HNF4G: variants seen among roughly 807,000 people sequenced by gnomAD.
HNF4G encodes hepatocyte nuclear factor 4-gamma.
A neutral mutation model predicts 50.9 loss-of-function variants in HNF4G; 21 were observed. The observed-to-expected ratio is 0.41, with a 90% CI of 0.29 to 0.59. The LOEUF (loss-of-function observed/expected upper bound fraction) is 0.59, where lower values mean the gene tolerates loss of function less well. Among genes scored for constraint, HNF4G ranks in the 20% least tolerant of loss-of-function variants. The probability of loss-of-function intolerance (pLI) is 0.26; values close to 1 mark genes in which losing one functional copy is unlikely to be tolerated. For synonymous variants in HNF4G, 198 were observed against 185.6 expected, an observed-to-expected ratio of 1.07 and a Z score of -0.54; for missense variants, 527 against 559.4, an observed-to-expected ratio of 0.94 and a Z score of 0.58.
At chr8:75,485,713 A>G (rs534410201) in intron 1 of HNF4G, 32 of 152,332 alleles carry the variant, frequency 2.1e-4, no homozygotes, top group African/African-American at 6.7e-4. Context: ...CAAACTCACC[A>G]AAGTAAAACA....
intron 1 of HNF4G, among the ~76,000 whole-genome samples, chr8:75,444,626 A>G (rs1477504763): frequency 1.6e-5 from 2 of 128,944 alleles, no homozygotes; most frequent in Non-Finnish European, 3.3e-5. Context: ...AGGGGTTGCA[A>G]TCCTAGTCTC....
At chr8:75,443,341 T>G (rs1002787709) in intron 1 of HNF4G, among the ~76,000 whole-genome samples, 1 of 152,200 alleles carries the variant, frequency 6.6e-6, no homozygotes, top group Admixed American at 6.6e-5. Flanking sequence ...ATCACTTAAC[T>G]GCATTATCCA....
chr8:75,525,888 T>G (rs1304892446), intron 2 of HNF4G, among the ~76,000 whole-genome samples: 2 of 152,138 alleles, frequency 1.3e-5, no homozygotes, highest in Admixed American at 1.3e-4. Context: ...TTTGTATTTA[T>G]GAGGTGGATG....
chr8:75,459,566 G>A (rs1423986354), intron 1 of HNF4G, among the ~76,000 whole-genome samples: 4 of 152,154 alleles, frequency 2.6e-5, no homozygotes, highest in Non-Finnish European at 4.4e-5. Context: ...GGCTTGTGTA[G>A]TAGTGTTTAT....
chr8:75,546,948 T>C (rs1027478221), intron 2 of HNF4G, among the ~76,000 whole-genome samples: 2 of 152,296 alleles, frequency 1.3e-5, no homozygotes, highest in Admixed American at 6.5e-5. Flanking sequence ...AGTGCTAAAC[T>C]GTCTTCCAAA....
At chr8:75,461,685 A>G (rs1162200951) in intron 1 of HNF4G, among the ~76,000 whole-genome samples, 1 of 151,706 alleles carries the variant, frequency 6.6e-6, no homozygotes, top group Non-Finnish European at 1.5e-5. Flanking sequence ...CCAAGACCCC[A>G]AGTAGATGCC....
intron 9 of HNF4G, among the ~76,000 whole-genome samples, chr8:75,561,377 C>CT (rs1807306476): frequency 6.6e-6 from 1 of 152,140 alleles, no homozygotes; most frequent in African/African-American, 2.4e-5. Context: ...TATGTCACTT[C>CT]CAGCATTATC....
chr8:75,558,528 T>C lies in HNF4G; in HGVS notation c.744T>C (p.Tyr248=), dbSNP rs1807199175. ...YKDILLLGNN[Y]VIHRNSCEVE... ...TTTTCTCTCTCATAGGAAACAACTA[T>C]GTTATTCACCGCAACAGCTGTGAAG... is the stretch of plus-strand genomic sequence containing the variant. The change falls in exon 7 of 10, where the codon TAT becomes TAC. Residue 248 remains tyrosine (Y), a synonymous_variant. Coordinates refer to ENST00000396423, the MANE Select transcript of HNF4G (RefSeq NM_004133.5). The C allele has an allele frequency of 6.2e-7, 1 of 1,612,166 alleles. No homozygotes were observed.
chr8:75,477,313 C>T (rs1031259336), intron 1 of HNF4G, among the ~76,000 whole-genome samples: 1 of 152,020 alleles, frequency 6.6e-6, no homozygotes, highest in African/African-American at 2.4e-5. Context: ...ACTTTCAGTG[C>T]TAAAATATTT....
chr8:75,416,260 T>C (rs1290302304), intron 1 of HNF4G, among the ~76,000 whole-genome samples: 2 of 152,206 alleles, frequency 1.3e-5, no homozygotes, highest in Non-Finnish European at 2.9e-5. Flanking sequence ...CTCAGGGCTC[T>C]GCCCTGACTT....
intron 1 of HNF4G, among the ~76,000 whole-genome samples, chr8:75,482,337 C>G (rs1812399331): frequency 6.6e-6 from 1 of 151,914 alleles, no homozygotes; most frequent in Non-Finnish European, 1.5e-5. Flanking sequence ...GTATTAAAAG[C>G]CTCTCTTCTC....
chr8:75,526,527 CCTTTCTT>C (rs1165806478), intron 2 of HNF4G, among the ~76,000 whole-genome samples: 1 of 151,330 alleles, frequency 6.6e-6, no homozygotes, highest in African/African-American at 2.4e-5. Flanking sequence ...TCTCCTTTCT[CCTTTCTT>C]CTTCTTCTTC....
chr8:75,547,467 C>A, intron 2 of HNF4G, 120 bp from the exon 3 acceptor site: 1 of 703,864 alleles, frequency 1.4e-6, no homozygotes, highest in Non-Finnish European at 2.5e-6. Context: ...GCTGATTGTT[C>A]CTATACCTTC....
At chr8:75,562,866 G>C (rs1807352987) in intron 9 of HNF4G, among the ~76,000 whole-genome samples, 1 of 152,006 alleles carries the variant, frequency 6.6e-6, no homozygotes. Flanking sequence ...ATATTTTCTT[G>C]GTCTTTTAGA....
chr8:75,433,765 A>G (rs1331655300), intron 1 of HNF4G, among the ~76,000 whole-genome samples: 3 of 152,110 alleles, frequency 2.0e-5, no homozygotes, highest in Non-Finnish European at 4.4e-5. Flanking sequence ...AATAATTTGC[A>G]TACATTTTAA....
chr8:75,482,710 T>C (rs534734531), intron 1 of HNF4G, among the ~76,000 whole-genome samples: 1 of 152,270 alleles, frequency 6.6e-6, no homozygotes, highest in South Asian at 2.1e-4. Context: ...CCTGATCGCC[T>C]TTTGATGTTT....
intron 2 of HNF4G, among the ~76,000 whole-genome samples, chr8:75,495,216 A>G (rs919209341): frequency 1.1e-4 from 16 of 152,186 alleles, no homozygotes; most frequent in Non-Finnish European, 1.6e-4. Context: ...ATCACCAACA[A>G]TGGTATTTCG....
At chr8:75,470,875 G>A (rs1352016792) in intron 1 of HNF4G, among the ~76,000 whole-genome samples, 1 of 152,184 alleles carries the variant, frequency 6.6e-6, no homozygotes, top group African/African-American at 2.4e-5. Flanking sequence ...ACTGGTAAGA[G>A]ATACAAGGGG....
chr8:75,428,224 G>A (rs768659870), intron 1 of HNF4G, among the ~76,000 whole-genome samples: 22 of 152,166 alleles, frequency 1.4e-4, no homozygotes, highest in Non-Finnish European at 2.4e-4. Flanking sequence ...TATGATTGGA[G>A]AGAGGCACAA....
Sources: gnomAD v4.1 joint callset for allele counts (sites outside exome capture counted in the v4.1 genomes callset) on GRCh38, gnomAD v4.1.1 for gene constraint, MANE v1.5 for transcripts, NCBI Gene and HGNC (gene_info 2026-07-23, HGNC 2026-07-21) for gene names.